Variants in ZMAT4 observed in about 807,000 individuals in gnomAD.
ZMAT4 encodes zinc finger matrin-type 4, also known as zinc finger matrin-type protein 4.
A neutral mutation model predicts 28.7 loss-of-function variants in ZMAT4; 17 were observed. That is an observed-to-expected ratio of 0.59 (90% CI 0.41 to 0.89). ZMAT4 has a LOEUF of 0.89. ZMAT4 is among the 40% of genes least tolerant of loss of function. The pLI is 0.00. For synonymous variants in ZMAT4, 117 were observed against 109.2 expected (o/e 1.07, Z -0.44); for missense variants, 240 against 283.8 (o/e 0.85, Z 1.11).
intron 3 of ZMAT4, among the ~76,000 whole-genome samples, chr8:40,730,886 A>C (rs2150525950): frequency 6.6e-6 from 1 of 152,296 alleles, no homozygotes; most frequent in South Asian, 2.1e-4. Context: ...AACTTCCAAG[A>C]GAAGGCTTGA....
chr8:40,654,480 T>C (rs1397231913), intron 5 of ZMAT4, among the ~76,000 whole-genome samples: 1 of 152,108 alleles, frequency 6.6e-6, no homozygotes, highest in Non-Finnish European at 1.5e-5. Flanking sequence ...ATTACCCTGA[T>C]ACCAACACCA....
At chr8:40,857,416 C>G (rs987280898) in intron 1 of ZMAT4, among the ~76,000 whole-genome samples, 2 of 151,676 alleles carry the variant, frequency 1.3e-5, no homozygotes, top group African/African-American at 4.8e-5. Flanking sequence ...GAGACAATGT[C>G]AAGAAATGAT....
intron 6 of ZMAT4, among the ~76,000 whole-genome samples, chr8:40,553,872 G>T (rs1803442061): frequency 6.6e-6 from 1 of 152,110 alleles, no homozygotes; most frequent in African/African-American, 2.4e-5. Context: ...CTGTGCCAAG[G>T]AGCACACCAG....
At position 40,881,247 on chromosome 8, in the gene ZMAT4, C is replaced by T. The variant is rs1324548015; in HGVS notation, c.-5+16436G>A. The stretch of plus-strand genomic sequence containing the variant: ...TGTAGAAACAAAAAAATATTAGCCA[C>T]GCATGGTGGTGCACACCTGTGGTCC... On this transcript the variant is annotated intron_variant, in intron 1 of 6. Coordinates refer to ENST00000297737, the MANE Select transcript of ZMAT4 (RefSeq NM_024645.3). Among the ~76,000 whole-genome samples, 5 of 151,432 alleles carry T rather than the reference C, an allele frequency of 3.3e-5. 1 individual carries two copies. The East Asian group carries it at 7.8e-4, about 23-fold the overall frequency.
chr8:40,869,745 A>G (rs1817788940), intron 1 of ZMAT4, among the ~76,000 whole-genome samples: 1 of 152,196 alleles, frequency 6.6e-6, no homozygotes, highest in South Asian at 2.1e-4. Flanking sequence ...AAAAGCAGCT[A>G]TTCCTGACGT....
intron 5 of ZMAT4, among the ~76,000 whole-genome samples, chr8:40,647,294 G>C (rs949634765): frequency 2.0e-5 from 3 of 152,180 alleles, no homozygotes; most frequent in Non-Finnish European, 4.4e-5. Flanking sequence ...TTCCCTTTCC[G>C]AGTCAAAGAA....
intron 2 of ZMAT4, 32 bp downstream of exon 2, chr8:40,825,543 T>G (rs1816002176): frequency 6.5e-7 from 1 of 1,542,032 alleles, no homozygotes; most frequent in South Asian, 1.2e-5. Flanking sequence ...CCCTCCTACA[T>G]TTGCAAACAG....
chr8:40,582,916 A>T lies in ZMAT4; in HGVS notation c.578-1655T>A, dbSNP rs1804539721. Among the ~76,000 whole-genome samples the T allele has an allele frequency of 2.0e-5, 3 of 152,334 alleles. No homozygotes were observed. In the South Asian group the frequency reaches 6.2e-4, roughly 32 times the overall value. ...TACTGGGAAGTCCTAGACACAGATGATAACTATACCCACATTACCAAAATG... is the reference window on the plus strand; with the variant it reads ...TACTGGGAAGTCCTAGACACAGATGTTAACTATACCCACATTACCAAAATG... On this transcript the variant is annotated intron_variant, in intron 5 of 6. Coordinates refer to ENST00000297737, the MANE Select transcript of ZMAT4 (RefSeq NM_024645.3).
chr8:40,874,840 C>T (rs1029652826), intron 1 of ZMAT4, among the ~76,000 whole-genome samples: 1 of 152,192 alleles, frequency 6.6e-6, no homozygotes, highest in Non-Finnish European at 1.5e-5. Context: ...TCGGACATGG[C>T]TTATTTTAGT....
intron 2 of ZMAT4, among the ~76,000 whole-genome samples, chr8:40,769,786 G>GT (rs5891121): frequency 0.23 from 32,653 of 144,914 alleles, 3,742 homozygotes; most frequent in Non-Finnish European, 0.26. Context: ...GTTTGTGGCT[G>GT]TTTTTTTTTT....
At chr8:40,724,883 T>C (rs947624194) in intron 3 of ZMAT4, among the ~76,000 whole-genome samples, 18 of 152,094 alleles carry the variant, frequency 1.2e-4, no homozygotes, top group African/African-American at 4.1e-4. Flanking sequence ...AAAAGAAGGT[T>C]CCAGACCTAG....
At chr8:40,863,288 A>AG (rs1817568126) in intron 1 of ZMAT4, among the ~76,000 whole-genome samples, 1 of 152,192 alleles carries the variant, frequency 6.6e-6, no homozygotes, top group South Asian at 2.1e-4. Context: ...AAGGAGAAAA[A>AG]AAAAACTGGT....
chr8:40,886,812 A>T (rs1183535772), intron 1 of ZMAT4, among the ~76,000 whole-genome samples: 1 of 151,798 alleles, frequency 6.6e-6, no homozygotes, highest in Non-Finnish European at 1.5e-5. Flanking sequence ...AAATCCTCCT[A>T]TCCTAACCTT....
intron 6 of ZMAT4, among the ~76,000 whole-genome samples, chr8:40,555,328 C>T (rs904295710): frequency 1.2e-4 from 18 of 152,142 alleles, no homozygotes; most frequent in African/African-American, 4.3e-4. Flanking sequence ...TTTGGATGAA[C>T]ACTCAGTAGT....
intron 3 of ZMAT4, among the ~76,000 whole-genome samples, chr8:40,728,660 A>G (rs1042593119): frequency 6.6e-6 from 1 of 152,202 alleles, no homozygotes. Context: ...GGGGAAAGAG[A>G]GAGTCAGGAA....
At chr8:40,670,356 CCTTTA>C (rs1488979378) in intron 5 of ZMAT4, among the ~76,000 whole-genome samples, 2 of 152,188 alleles carry the variant, frequency 1.3e-5, no homozygotes, top group African/African-American at 4.8e-5. Context: ...TAAATTTTAA[CCTTTA>C]CTTCATACTG....
chr8:40,711,727 G>A (rs954729800), intron 3 of ZMAT4, among the ~76,000 whole-genome samples: 2 of 152,174 alleles, frequency 1.3e-5, no homozygotes, highest in Non-Finnish European at 2.9e-5. Flanking sequence ...CATTAGAGGG[G>A]TACATTAGTG....
chr8:40,744,600 G>C (rs1812141926), intron 3 of ZMAT4, among the ~76,000 whole-genome samples: 1 of 152,136 alleles, frequency 6.6e-6, no homozygotes, highest in South Asian at 2.1e-4. Flanking sequence ...TCCTGGAGCT[G>C]CTCAGCCGTA....
rs1802666577 is a variant in ZMAT4, at chr8:40,530,730, T to C, written c.*1493A>G. ...CTGTGTGCTTTCCAAAACAGCAAAA[T>C]AGATTCTTCCCATCCAACCCCCTTT... On this transcript the variant is annotated 3_prime_UTR_variant, in exon 7 of 7. Coordinates refer to ENST00000297737, the MANE Select transcript of ZMAT4 (RefSeq NM_024645.3). The C allele has an allele frequency of 6.6e-6, 1 of 152,508 alleles. No homozygotes were observed. Among genetic ancestry groups the C allele is most frequent in the Non-Finnish European group, 1.5e-5 (1 of 68,026 alleles). 9.4% of individuals were successfully genotyped at this position (152,508 alleles called of 1,614,324 possible).
Sources: allele counts gnomAD v4.1 joint callset (sites outside exome capture counted in the v4.1 genomes callset), GRCh38; gene constraint gnomAD v4.1.1; transcripts MANE v1.5; gene names NCBI Gene and HGNC (gene_info 2026-07-23, HGNC 2026-07-21).